MCU: variants seen among roughly 807,000 people sequenced by gnomAD.
MCU encodes the protein calcium uniporter protein, mitochondrial.
A neutral mutation model predicts 45.2 loss-of-function variants in MCU; 12 were observed. That is an observed-to-expected ratio of 0.27 (90% CI 0.17 to 0.43). The LOEUF is 0.43. Ranked by LOEUF, MCU falls within the 20% of genes least tolerant of loss-of-function variation. MCU has a pLI of 1.00. For synonymous variants in MCU, 160 were observed against 165.1 expected, an observed-to-expected ratio of 0.97 and a Z score of 0.24; for missense variants, 324 against 436.7, an observed-to-expected ratio of 0.74 and a Z score of 2.30.
At position 72,757,095 on chromosome 10, in the gene MCU, A is replaced by G. The variant is rs1843588371; in HGVS notation, c.150+64794A>G. On this transcript the variant is annotated intron_variant, in intron 1 of 7. Coordinates refer to ENST00000373053, the MANE Select transcript of MCU (RefSeq NM_138357.3). Reference sequence around the variant, plus strand: ...TACTTAACATTTCAAAAAGCAGTAAATGGCACATTGTCAAGTGAGTGGTTT... The same window carrying G: ...TACTTAACATTTCAAAAAGCAGTAAGTGGCACATTGTCAAGTGAGTGGTTT... 2.0e-5 allele frequency: 3 copies of G among 152,218 alleles called. No individual in the cohort carries two copies. The South Asian group carries it at 6.2e-4, about 32-fold the overall frequency. The allele number at this position is 152,218 out of a possible 1,614,324, so 9.4% of individuals were successfully genotyped here.
rs560227180 is a variant in MCU at position 72,738,240 on chromosome 10, G to A, written c.150+45939G>A. ...AGTAAACTTAATAAGTATCCTGGGGGCTCTGAGAAATTGCTCCCACTCTTT... is the reference window on the plus strand; with the variant it reads ...AGTAAACTTAATAAGTATCCTGGGGACTCTGAGAAATTGCTCCCACTCTTT... On this transcript the variant is annotated intron_variant, in intron 1 of 7. Coordinates refer to ENST00000373053, the MANE Select transcript of MCU (RefSeq NM_138357.3). 2.0e-5 allele frequency among the ~76,000 whole-genome samples: 3 copies of A among 152,232 alleles called. No individual in the cohort carries two copies. In the South Asian group the frequency reaches 6.2e-4, roughly 32 times the overall value.
chr10:72,819,684 ATTACCT>A (rs1262083265), intron 1 of MCU, among the ~76,000 whole-genome samples: 4 of 147,434 alleles, frequency 2.7e-5, no homozygotes, highest in Non-Finnish European at 5.9e-5. Flanking sequence ...AGACATTGAA[ATTACCT>A]TTACCTAGAT....
At chr10:72,843,569 G>A (rs1845077244) in intron 2 of MCU, among the ~76,000 whole-genome samples, 1 of 152,148 alleles carries the variant, frequency 6.6e-6, no homozygotes, top group African/African-American at 2.4e-5. Flanking sequence ...GGACATCTTG[G>A]TTGCTTCCAA....
At chr10:72,747,423 G>C (rs1245134366) in intron 1 of MCU, among the ~76,000 whole-genome samples, 3 of 152,194 alleles carry the variant, frequency 2.0e-5, no homozygotes, top group African/African-American at 7.2e-5. Flanking sequence ...TGCTTGTTAT[G>C]ATGAGGTAAT....
At position 72,883,858 on chromosome 10, in the gene MCU, G is replaced by A. The variant is rs1845741610; in HGVS notation, c.862-408G>A. 5.3e-5 allele frequency among the ~76,000 whole-genome samples: 8 copies of A among 152,086 alleles called. No homozygotes were observed. In the South Asian group the frequency reaches 1.7e-3, roughly 31 times the overall value. On this transcript the variant is annotated intron_variant, in intron 6 of 7. Transcript: ENST00000373053. ...CATCTTCATAAAATTCATAAAACAG[G>A]TAAAACTAAGTTGTGGAACTTAGGA... is the stretch of plus-strand genomic sequence containing the variant.
chr10:72,710,151 AC>A (rs1297337596), intron 1 of MCU, among the ~76,000 whole-genome samples: 3 of 151,834 alleles, frequency 2.0e-5, no homozygotes, highest in South Asian at 2.1e-4. Context: ...AATTTTTTGT[AC>A]TTTTTAGTAG....
In MCU at chr10:72,884,387, GT is replaced by G; in HGVS notation, c.978+9del. On this transcript the variant is annotated splice_donor_region_variant and intron_variant, in intron 7 of 7. Coordinates refer to ENST00000373053, the MANE Select transcript of MCU (RefSeq NM_138357.3). ...CTCAAGGATGCAATTGCTCAGGTAA[GT>G]TTTACAAAAATTAAAATAAATCCCA... 1 of 1,534,190 alleles carries G rather than the reference GT, an allele frequency of 6.5e-7. No individual in the cohort carries two copies. The highest frequency in any genetic ancestry group is 1.4e-5 in the African/African-American group (1 of 73,262).
At chr10:72,707,198 CTTTTT>C (rs1327443362) in intron 1 of MCU, among the ~76,000 whole-genome samples, 2 of 129,634 alleles carry the variant, frequency 1.5e-5, no homozygotes, top group Non-Finnish European at 1.7e-5. Flanking sequence ...ATTTTGAAAT[CTTTTT>C]TTTTTTTTTT....
intron 1 of MCU, among the ~76,000 whole-genome samples, chr10:72,746,493 T>C (rs1843416727): frequency 6.6e-6 from 1 of 152,236 alleles, no homozygotes; most frequent in African/African-American, 2.4e-5. Flanking sequence ...TCTGATTAAG[T>C]TGAATGTTTG....
rs753423683 is a variant in MCU, at chr10:72,871,520, A to G, written c.801A>G (p.Thr267=). Residue 267 remains threonine, a synonymous_variant, in exon 6 of 8, where the codon ACA becomes ACG. Coordinates refer to ENST00000373053, the MANE Select transcript of MCU (RefSeq NM_138357.3). ...CCTGGGACATCATGGAGCCAGTAAC[A>G]TACTTCATCACTTATGGAAGTGCCA... ...EYSWDIMEPV[T]YFITYGSAMA... The G allele has an allele frequency of 6.2e-6, 10 of 1,614,244 alleles. No individual in the cohort carries two copies. The Admixed American group carries it at 1.2e-4, about 19-fold the overall frequency.
intron 1 of MCU, among the ~76,000 whole-genome samples, chr10:72,814,506 T>A (rs1844595755): frequency 6.6e-6 from 1 of 152,128 alleles, no homozygotes; most frequent in Non-Finnish European, 1.5e-5. Context: ...CAATTAAAAG[T>A]AGCAGAATAA....
At chr10:72,884,452 C>T (rs566758232) in intron 7 of MCU, 70 bp downstream of exon 7, 8 of 857,478 alleles carry the variant, frequency 9.3e-6, no homozygotes, top group South Asian at 7.1e-5. Flanking sequence ...TCCACAGCCA[C>T]GGTTCTTCAA....
At chr10:72,814,630 A>G (rs760143723) in intron 1 of MCU, among the ~76,000 whole-genome samples, 29 of 152,222 alleles carry the variant, frequency 1.9e-4, no homozygotes, top group Admixed American at 8.5e-4. Flanking sequence ...CGGAATACAA[A>G]CAATGAAGCA....
chr10:72,797,126 C>T (rs1307480435), intron 1 of MCU, among the ~76,000 whole-genome samples: 1 of 151,860 alleles, frequency 6.6e-6, no homozygotes, highest in East Asian at 1.9e-4. Context: ...ACATGAACTG[C>T]GATGGTCTAA....
At chr10:72,865,525 T>C (rs915103339) in intron 4 of MCU, among the ~76,000 whole-genome samples, 1 of 152,098 alleles carries the variant, frequency 6.6e-6, no homozygotes, top group Non-Finnish European at 1.5e-5. Context: ...ATAAACAGTT[T>C]GTTTTCCTTG....
At chr10:72,785,171 G>T (rs866576462) in intron 1 of MCU, among the ~76,000 whole-genome samples, 1 of 152,206 alleles carries the variant, frequency 6.6e-6, no homozygotes, top group Non-Finnish European at 1.5e-5. Context: ...AGTGGTAGTG[G>T]TGGCTGCTCC....
intron 1 of MCU, among the ~76,000 whole-genome samples, chr10:72,694,902 C>T (rs2132640907): frequency 6.6e-6 from 1 of 152,270 alleles, no homozygotes; most frequent in South Asian, 2.1e-4. Context: ...TTTGTCTCTT[C>T]CCCCTTCTCC....
intron 1 of MCU, among the ~76,000 whole-genome samples, chr10:72,828,729 T>A (rs983765310): frequency 1.3e-5 from 2 of 152,234 alleles, no homozygotes; most frequent in Non-Finnish European, 2.9e-5. Context: ...TCTGAGGACA[T>A]AAAATATCTT....
chr10:72,768,986 G>C (rs1197988330), intron 1 of MCU, among the ~76,000 whole-genome samples: 1 of 151,984 alleles, frequency 6.6e-6, no homozygotes, highest in East Asian at 1.9e-4. Context: ...TGAGTAACTA[G>C]GACTACAGGC....
Sources: gnomAD v4.1 joint callset for allele counts (sites outside exome capture counted in the v4.1 genomes callset) on GRCh38, gnomAD v4.1.1 for gene constraint, MANE v1.5 for transcripts, NCBI Gene and HGNC (gene_info 2026-07-23, HGNC 2026-07-21) for gene names.